The following PBX1 variants were observed in gnomAD, a reference collection of about 807,000 sequenced individuals.
PBX1 encodes the protein PBX homeobox 1.
Under a neutral mutation model 53.4 loss-of-function variants are expected in PBX1, and 6 were observed. The ratio of observed to expected loss-of-function variants is 0.11; its 90% CI spans 0.06 to 0.22. The LOEUF (loss-of-function observed/expected upper bound fraction) is 0.22. PBX1 is among the 10% of genes least tolerant of loss of function. The pLI, the probability that PBX1 is intolerant of heterozygous loss-of-function variation, is 1.00. For missense variants in PBX1, 251 were observed against 551.4 expected (o/e 0.46, Z 5.46); for synonymous variants, 204 against 212.3 (o/e 0.96, Z 0.34).
intron 4 of PBX1, 73 bp from the exon 5 acceptor site, chr1:164,807,469 A>G: frequency 6.5e-7 from 1 of 1,527,938 alleles, no homozygotes; most frequent in Non-Finnish European, 8.8e-7. Flanking sequence ...TCCCAGAAGT[A>G]GATTTATTCT....
intron 2 of PBX1, among the ~76,000 whole-genome samples, chr1:164,620,559 A>G (rs1657600404): frequency 6.6e-6 from 1 of 152,152 alleles, no homozygotes; most frequent in African/African-American, 2.4e-5. Context: ...GTCTATAACC[A>G]TATTCTCGTG....
intron 2 of PBX1, among the ~76,000 whole-genome samples, chr1:164,609,160 T>A (rs936994927): frequency 6.6e-6 from 1 of 151,828 alleles, no homozygotes; most frequent in Non-Finnish European, 1.5e-5. Context: ...TTTCTTTTCT[T>A]TTTTTTTAAT....
At position 164,849,639 on chromosome 1, in the gene PBX1, T is replaced by G; in HGVS notation, c.*2963T>G. ...ACCCTGGGTTTGCCCACCTTGTAAC[T>G]CTTCCTTATCTCCTCCTTTTCATCC... On this transcript the variant is annotated 3_prime_UTR_variant, in exon 9 of 9. Coordinates refer to ENST00000420696, the MANE Select transcript of PBX1 (RefSeq NM_002585.4). 3 of 478,820 alleles carry G rather than the reference T, an allele frequency of 6.3e-6. No individual in the cohort carries two copies. Among genetic ancestry groups the G allele is most frequent in the Non-Finnish European group, 1.1e-5 (3 of 275,548 alleles). 29.7% of individuals were successfully genotyped at this position (478,820 alleles called of 1,614,324 possible).
intron 2 of PBX1, among the ~76,000 whole-genome samples, chr1:164,606,470 T>G (rs893109453): frequency 5.9e-5 from 9 of 152,022 alleles, no homozygotes; most frequent in East Asian, 1.9e-4. Context: ...GAGGCGGAGG[T>G]TGCAGTGAGC....
At position 164,799,692 on chromosome 1, in the gene PBX1, A is replaced by G. The variant is rs1438003050; in HGVS notation, c.511-7A>G. 3 of 1,606,680 alleles carry G rather than the reference A, an allele frequency of 1.9e-6. No homozygotes were observed. In the Admixed American group the frequency reaches 5.0e-5, roughly 27 times the overall value. ...CAATGACGGTGTTGATTGTCCTGCC[A>G]TTCCAGGCCTGCAACGAGTTCACCA... On this transcript the variant is annotated splice_region_variant and splice_polypyrimidine_tract_variant and intron_variant, in intron 3 of 8. Transcript: ENST00000420696.
chr1:164,849,260 C>A lies in PBX1; in HGVS notation c.*2584C>A. ...TACATTTGCACAGGCAGTTTCTCTC[C>A]GGGCCGTAGTTTTCACTGATGATCA... On this transcript the variant is annotated 3_prime_UTR_variant, in exon 9 of 9. Coordinates refer to ENST00000420696, the MANE Select transcript of PBX1 (RefSeq NM_002585.4). The A allele has an allele frequency of 6.6e-7, 1 of 1,525,144 alleles. No individual in the cohort carries two copies. The highest frequency in any genetic ancestry group is 1.2e-5 in the South Asian group (1 of 82,208). The allele number at this position is 1,525,144 out of a possible 1,614,324, so 94.5% of individuals were successfully genotyped here.
chr1:164,620,510 T>A (rs1657597287), intron 2 of PBX1, among the ~76,000 whole-genome samples: 1 of 152,178 alleles, frequency 6.6e-6, no homozygotes, highest in Non-Finnish European at 1.5e-5. Context: ...TTTTCTTTTT[T>A]GTTCCACCTC....
chr1:164,621,772 A>G (rs1657695762), intron 2 of PBX1, among the ~76,000 whole-genome samples: 1 of 152,190 alleles, frequency 6.6e-6, no homozygotes, highest in Non-Finnish European at 1.5e-5. Context: ...TCCATAATGT[A>G]AGAGTTCCAA....
At chr1:164,776,739 C>T (rs1437588843) in intron 2 of PBX1, among the ~76,000 whole-genome samples, 1 of 152,096 alleles carries the variant, frequency 6.6e-6, no homozygotes, top group Non-Finnish European at 1.5e-5. Context: ...TAAAAGATTT[C>T]TTTTCTGTGC....
intron 2 of PBX1, among the ~76,000 whole-genome samples, chr1:164,686,204 A>G (rs17387607): frequency 0.23 from 34,426 of 152,106 alleles, 4,737 homozygotes; most frequent in Non-Finnish European, 0.31. Context: ...CCTTATTATT[A>G]TGGTGATTAC....
chr1:164,664,443 C>T (rs1660688955), intron 2 of PBX1, among the ~76,000 whole-genome samples: 1 of 152,156 alleles, frequency 6.6e-6, no homozygotes, highest in African/African-American at 2.4e-5. Flanking sequence ...CCGCCAGTAC[C>T]AAGCCAACTC....
chr1:164,560,424 A>G lies in PBX1; in HGVS notation c.191+411A>G, dbSNP rs868688399. 3.1e-5 allele frequency: 12 copies of G among 387,790 alleles called. No homozygotes were observed. The Middle Eastern group carries it at 2.0e-3, about 63-fold the overall frequency. The allele number at this position is 387,790 out of a possible 1,614,324, so 24.0% of individuals were successfully genotyped here. A position where few individuals can be genotyped will look rare whatever the true frequency, so the allele number is the denominator to read the frequency against. ...CTTCTTGTTGAGGGGACTCTGTAAC[A>G]TTACGAAATAAAATGTCCCAAGAAC... On this transcript the variant is annotated intron_variant, in intron 1 of 8. Coordinates refer to ENST00000420696, the MANE Select transcript of PBX1 (RefSeq NM_002585.4).
intron 2 of PBX1, among the ~76,000 whole-genome samples, chr1:164,661,041 A>G (rs1660458108): frequency 6.6e-6 from 1 of 152,244 alleles, no homozygotes. Context: ...GAAGGCAAGC[A>G]TACTGCTTGT....
At chr1:164,567,514 T>A (rs1283323407) in intron 2 of PBX1, among the ~76,000 whole-genome samples, 1 of 152,056 alleles carries the variant, frequency 6.6e-6, no homozygotes, top group African/African-American at 2.4e-5. Flanking sequence ...TACAAATCAG[T>A]TTTACCTGAT....
intron 2 of PBX1, among the ~76,000 whole-genome samples, chr1:164,629,938 A>G (rs1344384263): frequency 2.0e-5 from 3 of 152,212 alleles, no homozygotes; most frequent in African/African-American, 4.8e-5. Context: ...TTTATGGGCA[A>G]TATTTTGACT....
chr1:164,807,046 C>T (rs1407921346), intron 4 of PBX1, among the ~76,000 whole-genome samples: 3 of 152,136 alleles, frequency 2.0e-5, no homozygotes, highest in Admixed American at 6.5e-5. Context: ...ATCATGAGGT[C>T]GGGAGTTAGA....
intron 2 of PBX1, among the ~76,000 whole-genome samples, chr1:164,735,561 C>T (rs899167578): frequency 2.0e-5 from 3 of 152,186 alleles, no homozygotes; most frequent in African/African-American, 7.2e-5. Flanking sequence ...TGTTTTCCAG[C>T]ATTTGAAGAT....
At chr1:164,577,545 T>A (rs1260853463) in intron 2 of PBX1, among the ~76,000 whole-genome samples, 1 of 152,188 alleles carries the variant, frequency 6.6e-6, no homozygotes, top group Non-Finnish European at 1.5e-5. Flanking sequence ...GCCATATTAC[T>A]TTATTTTTCT....
intron 2 of PBX1, among the ~76,000 whole-genome samples, chr1:164,714,349 G>A (rs754205367): frequency 2.6e-5 from 4 of 152,150 alleles, no homozygotes; most frequent in East Asian, 1.9e-4. Flanking sequence ...CTAAGCCCCC[G>A]TTTGTCACAT....
Sources: gnomAD v4.1 joint callset for allele counts (sites outside exome capture counted in the v4.1 genomes callset) on GRCh38, gnomAD v4.1.1 for gene constraint, MANE v1.5 for transcripts, NCBI Gene and HGNC (gene_info 2026-07-23, HGNC 2026-07-21) for gene names.